NUP214: variants seen among roughly 807,000 people sequenced by gnomAD.
NUP214 encodes nucleoporin 214.
A neutral mutation model predicts 196.2 loss-of-function variants in NUP214; 79 were observed. That is an observed-to-expected ratio of 0.40 (90% CI 0.34 to 0.49). The LOEUF is 0.49. Ranked by LOEUF, NUP214 falls within the 20% of genes least tolerant of loss-of-function variation. The pLI is 0.58. For synonymous variants in NUP214, 1,020 were observed against 990.5 expected (o/e 1.03, Z -0.56); for missense variants, 2,468 against 2,539.0 (o/e 0.97, Z 0.60).
intron 27 of NUP214, among the ~76,000 whole-genome samples, chr9:131,195,011 G>A (rs1293867220): frequency 6.6e-6 from 1 of 152,182 alleles, no homozygotes; most frequent in African/African-American, 2.4e-5. Context: ...GCTCTCAACT[G>A]CTATCCCTGT....
At chr9:131,133,304 G>GTTTTTTTTT (rs751108620) in intron 7 of NUP214, 95 bp downstream of exon 7, 4 of 421,964 alleles carry the variant, frequency 9.5e-6, no homozygotes, top group South Asian at 4.1e-5. Context: ...TTGTGTTTGT[G>GTTTTTTTTT]TTTTTTTTTT....
intron 31 of NUP214, among the ~76,000 whole-genome samples, chr9:131,219,612 G>A (rs1360718729): frequency 1.3e-5 from 2 of 152,176 alleles, no homozygotes; most frequent in Non-Finnish European, 1.5e-5. Flanking sequence ...GGGAACCCAT[G>A]GAGACATCTA....
At chr9:131,233,338 A>G in intron 35 of NUP214, 116 bp from the exon 36 acceptor site, 2 of 1,099,542 alleles carry the variant, frequency 1.8e-6, no homozygotes, top group Non-Finnish European at 2.5e-6. Flanking sequence ...TCTGTATCAA[A>G]AAAATAATAA....
chr9:131,233,432 A>G (rs1237775374), intron 35 of NUP214, 22 bp from the exon 36 acceptor site: 1 of 1,600,364 alleles, frequency 6.2e-7, no homozygotes, highest in South Asian at 1.1e-5. Context: ...TGACTCCACC[A>G]CTGTCCTGTG....
chr9:131,219,300 T>C (rs1834491563), intron 31 of NUP214, among the ~76,000 whole-genome samples: 1 of 152,234 alleles, frequency 6.6e-6, no homozygotes, highest in Admixed American at 6.5e-5. Context: ...CGAGCTCTGA[T>C]TGGCCTTGTT....
At chr9:131,141,478 C>CTTTTTTTT (rs3057295) in intron 11 of NUP214, among the ~76,000 whole-genome samples, 9 of 118,716 alleles carry the variant, frequency 7.6e-5, no homozygotes, top group Non-Finnish European at 1.0e-4. Context: ...TGAAAAGAAA[C>CTTTTTTTT]TTTTTTTTTT....
chr9:131,163,118 C>T lies in NUP214; in HGVS notation c.2668C>T (p.Gln890Ter). The change falls in exon 19 of 36, where the codon CAG becomes TAG. Residue 890 changes from glutamine to a stop codon, truncating the protein, a stop_gained. Transcript: ENST00000359428. LOFTEE classifies it high-confidence loss of function. ...DSLQQLRLYK[Q>*]TSLWSLSSAV... ...TCTTCAGCAGCTCCGCCTTTACAAA[C>T]AGACTTCCCTGTGGAGCCTGTCCTC... is the stretch of plus-strand genomic sequence containing the variant. 1 of 1,614,240 alleles carries T rather than the reference C, an allele frequency of 6.2e-7. No homozygotes were observed. The highest frequency in any genetic ancestry group is 8.5e-7 in the Non-Finnish European group (1 of 1,180,042).
Position 131,163,145 on chromosome 9 carries a change from G to A in NUP214, c.2695G>A (p.Ala899Thr). The A allele has an allele frequency of 6.2e-7, 1 of 1,613,476 alleles. No homozygotes were observed. The highest frequency in any genetic ancestry group is 8.5e-7 in the Non-Finnish European group (1 of 1,179,826). The change falls in exon 19 of 36, where the codon GCT becomes ACT. Residue 899 changes from alanine to threonine, a missense_variant. This residue lies in a region of NUP214 where 1,801 missense variants were observed against 1,779.4 expected (regional missense o/e 1.01). Coordinates refer to ENST00000359428, the MANE Select transcript of NUP214 (RefSeq NM_005085.4). ...GACTTCCCTGTGGAGCCTGTCCTCG[G>A]CTGTTCCTTCCCAGAGCAGCATTCA... The part of the protein sequence containing the change: ...KQTSLWSLSS[A>T]VPSQSSIHSF...
chr9:131,139,232 T>TTTTC (rs1395578929), intron 9 of NUP214, 49 bp from the exon 10 acceptor site: 1 of 1,449,238 alleles, frequency 6.9e-7, no homozygotes, highest in East Asian at 2.6e-5. Context: ...CAACATGGCT[T>TTTTC]TTTCTTTTTT....
chr9:131,187,778 A>G (rs547194349), intron 25 of NUP214, among the ~76,000 whole-genome samples: 1 of 152,336 alleles, frequency 6.6e-6, no homozygotes, highest in Non-Finnish European at 1.5e-5. Flanking sequence ...ATGAACCATA[A>G]GTCTGATAAA....
intron 13 of NUP214, 67 bp from the exon 14 acceptor site, chr9:131,147,423 A>G: frequency 8.6e-7 from 1 of 1,158,758 alleles, no homozygotes; most frequent in Non-Finnish European, 1.3e-6. Context: ...TGGAGAAAGG[A>G]CATTTGTGAT....
At chr9:131,132,824 C>T in intron 6 of NUP214, 165 bp downstream of exon 6, 2 of 651,388 alleles carry the variant, frequency 3.1e-6, no homozygotes, top group Middle Eastern at 3.0e-4. Flanking sequence ...TTATGGCCCT[C>T]TGGGTGACAT....
At position 131,129,465 on chromosome 9, in the gene NUP214, G is replaced by T. The variant is rs771979680; in HGVS notation, c.580G>T (p.Ala194Ser). The change falls in exon 4 of 36, where the codon GCA becomes TCA. Residue 194 changes from alanine (A) to serine (S), a missense_variant. Ala to Ser is a moderately conservative substitution (Grantham distance 99). Around this residue, in one of 5 missense-constraint regions of NUP214, gnomAD observed 392 missense variants for 417.9 expected, o/e 0.94. Transcript: ENST00000359428. ...ATGTGCAACTCTTCCTTCCACGGTA[G>T]CAGTAACCTCTGGTGAGTAATAAAG... ...KVCATLPSTV[A>S]VTSVCWSPKG... 6.2e-7 allele frequency: 1 copy of T among 1,614,104 alleles called. No individual in the cohort carries two copies. The highest frequency in any genetic ancestry group is 1.1e-5 in the South Asian group (1 of 91,078).
chr9:131,230,266 A>C, intron 33 of NUP214: 3 of 206,618 alleles, frequency 1.5e-5, no homozygotes, highest in Non-Finnish European at 3.0e-5. Context: ...ATGTGGGGGA[A>C]TGGTCGGTAA....
At position 131,198,506 on chromosome 9, in the gene NUP214, C is replaced by T. The variant is rs773466988; in HGVS notation, c.5012C>T (p.Thr1671Met). The T allele has an allele frequency of 3.7e-6, 6 of 1,614,262 alleles. No individual in the cohort carries two copies. Among genetic ancestry groups the T allele is most frequent in the Admixed American group, 1.7e-5 (1 of 60,036 alleles). Residue 1671 changes from threonine (T) to methionine (M), a missense_variant, in exon 29 of 36, where the codon ACG becomes ATG. Thr to Met is a moderately conservative substitution (Grantham distance 81). Transcript: ENST00000359428. ...AACACAGCCACTGCCCCCTCTGCCA[C>T]GCCCGTGTTTGGGCAAGTGGCAGCC... ...TNNTATAPSA[T>M]PVFGQVAAST...
At chr9:131,171,616 A>G (rs148004109) in intron 21 of NUP214, among the ~76,000 whole-genome samples, 5,822 of 148,354 alleles carry the variant, frequency 0.039, 145 homozygotes, top group African/African-American at 0.074. Context: ...GGTTAGTTAC[A>G]TATGTATACA....
At chr9:131,199,085 T>C in intron 29 of NUP214, 70 bp downstream of exon 29, 2 of 1,504,424 alleles carry the variant, frequency 1.3e-6, no homozygotes, top group South Asian at 2.7e-5. Context: ...CAGACCCCTA[T>C]TACTTTTGTA....
At chr9:131,193,624 C>CTTTTTTTTTTTTTTTTTTTTTTTT (rs1564202971) in intron 27 of NUP214, among the ~76,000 whole-genome samples, 1 of 17,658 alleles carries the variant, frequency 5.7e-5, no homozygotes, top group East Asian at 1.0e-3. Context: ...ATTCTTCTTC[C>CTTTTTTTTTTTTTTTTTTTTTTTT]TTTTCTTTTT....
chr9:131,139,255 C>CTTTTTTTTTTTTTTTTTTTTTTTT (rs200377608), intron 9 of NUP214, 26 bp from the exon 10 acceptor site: 8 of 1,093,096 alleles, frequency 7.3e-6, no homozygotes, highest in East Asian at 7.8e-5. Flanking sequence ...TCTTCTTCTT[C>CTTTTTTTTTTTTTTTTTTTTTTTT]TTTTTTTTTT....
Sources: gnomAD v4.1 joint callset for allele counts (sites outside exome capture counted in the v4.1 genomes callset) on GRCh38, gnomAD v4.1.1 for gene constraint, gnomAD v4.1.1 regional missense constraint, MANE v1.5 for transcripts, NCBI Gene and HGNC (gene_info 2026-07-23, HGNC 2026-07-21) for gene names.